Variants in AKR1C2 observed in about 807,000 individuals in gnomAD.
AKR1C2 encodes 3-alpha-HSD3.
Under a neutral mutation model 39.8 loss-of-function variants are expected in AKR1C2, and 27 were observed. The observed-to-expected ratio is 0.68, with a 90% CI of 0.50 to 0.93. AKR1C2 has a LOEUF of 0.93. Among genes scored for constraint, AKR1C2 ranks in the 40% least tolerant of loss-of-function variants. The probability of loss-of-function intolerance (pLI) is 0.00; values close to 1 mark genes in which losing one functional copy is unlikely to be tolerated. For synonymous variants in AKR1C2, 114 were observed against 137.9 expected (o/e 0.83, Z 1.22); for missense variants, 263 against 365.1 (o/e 0.72, Z 2.28).
intron 1 of AKR1C2, chr10:5,014,823 CCTTT>C (rs1386264425): frequency 6.6e-6 from 1 of 152,026 alleles, no homozygotes; most frequent in East Asian, 1.9e-4. Context: ...ATTATCTGCC[CCTTT>C]CCTTGCAAAT....
rs1248211472 is a variant in AKR1C2 at position 4,999,456 on chromosome 10, G to T, written c.370-179C>A. 2.0e-5 allele frequency: 28 copies of T among 1,401,434 alleles called. No individual in the cohort carries two copies. The African/African-American group carries it at 3.6e-4, about 18-fold the overall frequency. 86.8% of individuals were successfully genotyped at this position (1,401,434 alleles called of 1,614,324 possible). ...TATAAGGAATGTCTTCAGGTGACAGGCTTCCTCTAATCTCTTACACCTATT... is the reference window on the plus strand; with the variant it reads ...TATAAGGAATGTCTTCAGGTGACAGTCTTCCTCTAATCTCTTACACCTATT... On this transcript the variant is annotated intron_variant, in intron 3 of 8. Coordinates refer to ENST00000380753, the MANE Select transcript of AKR1C2 (RefSeq NM_001393392.1).
At chr10:5,011,488 A>C (rs1837522000) in intron 1 of AKR1C2, among the ~76,000 whole-genome samples, 2 of 152,250 alleles carry the variant, frequency 1.3e-5, no homozygotes, top group Non-Finnish European at 2.9e-5. Flanking sequence ...CTACAGATCT[A>C]ATGAATAAGA....
intron 5 of AKR1C2, among the ~76,000 whole-genome samples, chr10:4,996,859 T>C (rs1354606583): frequency 6.6e-6 from 1 of 151,926 alleles, no homozygotes; most frequent in African/African-American, 2.4e-5. Context: ...TAAATGATTA[T>C]GTAAAAACCC....
chr10:5,003,859 A>C (rs1339798896), upstream of AKR1C2: 6 of 1,613,688 alleles, frequency 3.7e-6, no homozygotes, highest in African/African-American at 8.0e-5. Context: ...CTGGTTAGCA[A>C]ATGTTTCTTC....
chr10:5,001,178 G>A (rs2854485), intron 2 of AKR1C2, among the ~76,000 whole-genome samples: 9,907 of 152,106 alleles, frequency 0.065, 546 homozygotes, highest in African/African-American at 0.15. Context: ...TGGAAACTCA[G>A]AATCATAACA....
Position 5,001,818 on chromosome 10 carries a change from C to T in AKR1C2, c.85-137G>A. ...CTGTATGTAGAATCATAAGCCCATC[C>T]CAGTCTGACTGGGTCTTTCCCATTT... On this transcript the variant is annotated intron_variant, in intron 1 of 8. Coordinates refer to ENST00000380753, the MANE Select transcript of AKR1C2 (RefSeq NM_001393392.1). 1.4e-5 allele frequency: 16 copies of T among 1,172,198 alleles called. No homozygotes were observed. In the South Asian group the frequency reaches 2.2e-4, roughly 16 times the overall value. The allele number at this position is 1,172,198 out of a possible 1,614,324, so 72.6% of individuals were successfully genotyped here. A position where few individuals can be genotyped will look rare whatever the true frequency, so the allele number is the denominator to read the frequency against.
rs3207904 is a variant in AKR1C2, at chr10:5,001,631, C to G, written c.135G>C (p.Gly45=). ...CATGTGCAGAATCAATATGGTGGAA[C>G]CCGGCTTCTATTGCCAATTTGACGG... ...LEAVKLAIEA[G]FHHIDSAHVY... The change falls in exon 2 of 9, where the codon GGG becomes GGC. Residue 45 remains glycine, a synonymous_variant. Transcript: ENST00000380753. The G allele has an allele frequency of 5.6e-6, 9 of 1,613,886 alleles. No homozygotes were observed. Among genetic ancestry groups the G allele is most frequent in the Non-Finnish European group, 7.6e-6 (9 of 1,179,806 alleles).
At chr10:4,999,615 A>G (rs1431135610) in intron 3 of AKR1C2, 6 of 207,230 alleles carry the variant, frequency 2.9e-5, no homozygotes, top group Non-Finnish European at 5.9e-5. Context: ...TGATATCCAG[A>G]TATAATGGAT....
upstream of AKR1C2, among the ~76,000 whole-genome samples, chr10:5,006,824 G>A (rs1216465674): frequency 6.6e-6 from 1 of 150,884 alleles, no homozygotes; most frequent in Non-Finnish European, 1.5e-5. Flanking sequence ...TCACCAGGCT[G>A]GAGTGCAGTG....
chr10:5,010,976 ACAC>A (rs1837511215), intron 1 of AKR1C2, among the ~76,000 whole-genome samples: 1 of 152,032 alleles, frequency 6.6e-6, no homozygotes, highest in African/African-American at 2.4e-5. Context: ...GATTTCAAAA[ACAC>A]AAATGAGAGA....
chr10:5,016,510 G>A (rs1259498990), intron 1 of AKR1C2, among the ~76,000 whole-genome samples: 2 of 152,214 alleles, frequency 1.3e-5, no homozygotes, highest in East Asian at 1.9e-4. Context: ...CCACACTAAT[G>A]CAAGAGGTGG....
At chr10:5,003,982 A>T, upstream of AKR1C2, 1 of 600,206 alleles carries the variant, frequency 1.7e-6, no homozygotes, top group East Asian at 2.9e-5. Flanking sequence ...ACAAGCTGTG[A>T]TAAAAATTGC....
At chr10:5,013,382 G>A (rs189784997) in intron 1 of AKR1C2, 3 of 152,492 alleles carry the variant, frequency 2.0e-5, no homozygotes, top group Non-Finnish European at 2.9e-5. Flanking sequence ...GCTAGCCTTT[G>A]ACATTTTCTT....
chr10:5,003,161 A>T (rs1336323765), intron 1 of AKR1C2, among the ~76,000 whole-genome samples: 2 of 151,586 alleles, frequency 1.3e-5, no homozygotes, highest in African/African-American at 4.8e-5. Flanking sequence ...TCTGACCCAT[A>T]TTAACAAAGA....
In AKR1C2 at chr10:4,987,984, G is replaced by C. The variant is rs1336906751; in HGVS notation, c.*2012C>G. The C allele has an allele frequency of 4.1e-5, 6 of 147,314 alleles. No homozygotes were observed. Among genetic ancestry groups the C allele is most frequent in the Non-Finnish European group, 6.0e-5 (4 of 67,184 alleles). 9.1% of individuals were successfully genotyped at this position (147,314 alleles called of 1,614,324 possible). A position where few individuals can be genotyped will look rare whatever the true frequency, so the allele number is the denominator to read the frequency against. On this transcript the variant is annotated 3_prime_UTR_variant, in exon 9 of 9. Coordinates refer to ENST00000380753, the MANE Select transcript of AKR1C2 (RefSeq NM_001393392.1). ...CAAGTGTTCCTGAAATCAGGTGTTT[G>C]GCTTTATGAAATTCTGAGTAACTTT...
In AKR1C2 at chr10:4,998,583, G is replaced by A. The variant is rs371840336; in HGVS notation, c.570+42C>T. The A allele has an allele frequency of 3.1e-6, 5 of 1,610,288 alleles. No individual in the cohort carries two copies. The African/African-American group carries it at 5.3e-5, about 17-fold the overall frequency. ...ATACTTGGCAATAGGACAGAAAGAG[G>A]GGCATGAAGAACAGAAAGGAGAGGA... On this transcript the variant is annotated intron_variant, in intron 5 of 8. Transcript: ENST00000380753.
chr10:4,997,872 C>A (rs1199172459), intron 5 of AKR1C2, among the ~76,000 whole-genome samples: 1 of 152,026 alleles, frequency 6.6e-6, no homozygotes, highest in Non-Finnish European at 1.5e-5. Context: ...AGTCAGGACT[C>A]AAGGAAAAGA....
intron 5 of AKR1C2, chr10:4,997,493 T>C (rs1837098294): frequency 4.2e-6 from 1 of 237,976 alleles, no homozygotes; most frequent in Non-Finnish European, 8.2e-6. Flanking sequence ...TCAATTGTCA[T>C]CTTTACAATT....
Position 4,989,956 on chromosome 10 carries a change from C to G in AKR1C2, c.*40G>C, listed in dbSNP as rs1182047832. On this transcript the variant is annotated 3_prime_UTR_variant, in exon 9 of 9. Coordinates refer to ENST00000380753, the MANE Select transcript of AKR1C2 (RefSeq NM_001393392.1). ...GCCATCCTCTGTGTCACCATCCACA[C>G]GCAGGGCCTTCTGGCAGACCTCATG... The G allele has an allele frequency of 3.3e-6, 5 of 1,533,226 alleles. No individual in the cohort carries two copies. The African/African-American group carries it at 6.8e-5, about 21-fold the overall frequency. The allele number at this position is 1,533,226 out of a possible 1,614,324, so 95.0% of individuals were successfully genotyped here. A position where few individuals can be genotyped will look rare whatever the true frequency, so the allele number is the denominator to read the frequency against.
Sources: gnomAD v4.1 joint callset for allele counts (sites outside exome capture counted in the v4.1 genomes callset) on GRCh38, gnomAD v4.1.1 for gene constraint, MANE v1.5 for transcripts, NCBI Gene and HGNC (gene_info 2026-07-23, HGNC 2026-07-21) for gene names.